Variants in TJP2 observed in about 807,000 individuals in gnomAD.
TJP2 encodes the protein Friedreich ataxia region gene X104 (tight junction protein ZO-2).
TJP2 carries 91 observed loss-of-function variants against 133.1 expected under a neutral mutation model. The observed-to-expected ratio is 0.68, with a 90% CI of 0.58 to 0.81. The LOEUF (loss-of-function observed/expected upper bound fraction) is 0.81, where lower values mean the gene tolerates loss of function less well. Among genes scored for constraint, TJP2 ranks in the 40% least tolerant of loss-of-function variants. The probability of loss-of-function intolerance (pLI) is 0.00; values close to 1 mark genes in which losing one functional copy is unlikely to be tolerated. For synonymous variants in TJP2, 592 were observed against 583.4 expected, an observed-to-expected ratio of 1.01 and a Z score of -0.21; for missense variants, 1,541 against 1,565.6, an observed-to-expected ratio of 0.98 and a Z score of 0.26.
chr9:69,243,341 C>G (rs1830697899), intron 17 of TJP2, among the ~76,000 whole-genome samples: 2 of 152,210 alleles, frequency 1.3e-5, no homozygotes, highest in African/African-American at 4.8e-5. Context: ...GAAAGCTCCT[C>G]TTCCTCACGA....
intron 1 of TJP2, among the ~76,000 whole-genome samples, chr9:69,182,383 C>G (rs1257026621): frequency 6.6e-6 from 1 of 152,158 alleles, no homozygotes; most frequent in Non-Finnish European, 1.5e-5. Flanking sequence ...AAAACAAGGG[C>G]AAGTGGCAAC....
intron 1 of TJP2, among the ~76,000 whole-genome samples, chr9:69,197,156 G>T (rs1438819167): frequency 6.6e-6 from 1 of 152,026 alleles, no homozygotes; most frequent in African/African-American, 2.4e-5. Context: ...AGTAGAGATG[G>T]GGTTTTACCA....
At chr9:69,170,739 C>T (rs1023007729), upstream of TJP2, among the ~76,000 whole-genome samples, 3 of 152,224 alleles carry the variant, frequency 2.0e-5, no homozygotes, top group African/African-American at 7.2e-5. Flanking sequence ...TTTGGACACT[C>T]TCCTCCAGAA....
upstream of TJP2, chr9:69,174,271 C>CGGGTCAG (rs1306998100): frequency 6.5e-7 from 1 of 1,528,786 alleles, no homozygotes; most frequent in African/African-American, 1.4e-5. Context: ...GGTTGGGCTG[C>CGGGTCAG]GGGTCAGAGC....
At chr9:69,231,316 T>C (rs1327106949) in intron 11 of TJP2, among the ~76,000 whole-genome samples, 1 of 152,190 alleles carries the variant, frequency 6.6e-6, no homozygotes, top group East Asian at 1.9e-4. Flanking sequence ...CAGGCTGGTC[T>C]CGAGCTCCTG....
intron 5 of TJP2, among the ~76,000 whole-genome samples, chr9:69,224,090 G>T (rs1158263616): frequency 4.6e-5 from 7 of 152,194 alleles, no homozygotes; most frequent in African/African-American, 1.7e-4. Flanking sequence ...AGCATTGAAA[G>T]TATTTAAAAA....
chr9:69,236,365 C>G, intron 13 of TJP2, 127 bp downstream of exon 13: 2 of 950,446 alleles, frequency 2.1e-6, no homozygotes, highest in East Asian at 5.2e-5. Context: ...CCATCTATTT[C>G]TTGTTTATGG....
chr9:69,237,943 A>G lies in TJP2; in HGVS notation c.2245A>G (p.Asn749Asp). The change falls in exon 15 of 23, where the codon AAT becomes GAT. Residue 749 changes from asparagine (N) to aspartate (D), a missense_variant. Asn to Asp is a conservative substitution (Grantham distance 23). Coordinates refer to ENST00000377245, the MANE Select transcript of TJP2 (RefSeq NM_004817.4). ...IADIAMEKLA[N>D]ELPDWFQTAK... ...TGATATAGCAATGGAAAAATTGGCTAATGAGTTACCTGACTGGTTTCAAAC... is the reference window on the plus strand; with the variant it reads ...TGATATAGCAATGGAAAAATTGGCTGATGAGTTACCTGACTGGTTTCAAAC... The G allele has an allele frequency of 6.2e-7, 1 of 1,613,756 alleles. No individual in the cohort carries two copies. Among genetic ancestry groups the G allele is most frequent in the East Asian group, 2.2e-5 (1 of 44,866 alleles).
intron 14 of TJP2, 82 bp downstream of exon 14, chr9:69,237,218 G>A: frequency 1.3e-6 from 2 of 1,531,610 alleles, no homozygotes; most frequent in African/African-American, 1.4e-5. Context: ...GTATGGTCAA[G>A]TTCTAACTTA....
intron 1 of TJP2, among the ~76,000 whole-genome samples, chr9:69,204,584 T>C (rs1393500980): frequency 2.0e-5 from 3 of 152,252 alleles, no homozygotes; most frequent in African/African-American, 7.2e-5. Flanking sequence ...AAGCATTCTG[T>C]CCCTGAGTTG....
rs1357796856 is a variant in TJP2 at position 69,221,412 on chromosome 9, C to A, written c.868C>A (p.Pro290Thr). The change falls in exon 5 of 23, where the codon CCG becomes ACG. Residue 290 changes from proline to threonine, a missense_variant. Pro to Thr is a conservative substitution (Grantham distance 38, BLOSUM62 -1). Transcript: ENST00000377245. The stretch of plus-strand genomic sequence containing the variant: ...ACCCCGAAGCCGCAGCCGCGAGCAC[C>A]CGCACTCACGGAGCCCCAGCCCCGA... ...RGPRSRSREHPHSRSPSPEPR... is the reference protein window; with the variant it reads ...RGPRSRSREHTHSRSPSPEPR... 9 of 1,584,028 alleles carry A rather than the reference C, an allele frequency of 5.7e-6. No homozygotes were observed. The highest frequency in any genetic ancestry group is 7.7e-6 in the Non-Finnish European group (9 of 1,165,494).
chr9:69,219,852 C>G (rs7874888), intron 4 of TJP2, among the ~76,000 whole-genome samples: 62,707 of 151,540 alleles, frequency 0.41, 13,656 homozygotes, highest in African/African-American at 0.53. Context: ...CCCTCTACCC[C>G]ACCCCCCACT....
intron 1 of TJP2, among the ~76,000 whole-genome samples, chr9:69,137,261 CT>C (rs1822790794): frequency 1.2e-5 from 1 of 81,508 alleles, no homozygotes. Context: ...TTCTTTCTTT[CT>C]TTCTTTCTTT....
intron 1 of TJP2, chr9:69,205,287 A>G: frequency 6.5e-7 from 1 of 1,537,094 alleles, no homozygotes; most frequent in Non-Finnish European, 8.7e-7. Flanking sequence ...CTTCATGGGA[A>G]GGGGAGGGAA....
chr9:69,216,317 A>G, intron 2 of TJP2, 22 bp from the exon 3 acceptor site: 3 of 1,613,998 alleles, frequency 1.9e-6, no homozygotes, highest in Non-Finnish European at 2.5e-6. Flanking sequence ...GATTTTTAAT[A>G]TTTCTCCTCT....
chr9:69,235,581 C>T (rs1251430272), intron 12 of TJP2, among the ~76,000 whole-genome samples: 1 of 152,102 alleles, frequency 6.6e-6, no homozygotes, highest in Non-Finnish European at 1.5e-5. Context: ...CTTGGCCTCC[C>T]AAAGTGCTGG....
rs1210298343 is a variant in TJP2, at chr9:69,249,360, C to T, written c.2881-15C>T. 1 of 1,598,470 alleles carries T rather than the reference C, an allele frequency of 6.3e-7. No individual in the cohort carries two copies. The highest frequency in any genetic ancestry group is 8.5e-7 in the Non-Finnish European group (1 of 1,171,382). ...TTGGATGTTCTTGTTGTGAATGAAC[C>T]TTTATGTCTTGTAGAGCATAAGGAA... On this transcript the variant is annotated splice_polypyrimidine_tract_variant and intron_variant, in intron 19 of 22. Coordinates refer to ENST00000377245, the MANE Select transcript of TJP2 (RefSeq NM_004817.4).
chr9:69,137,668 T>A (rs1304234781), intron 1 of TJP2, among the ~76,000 whole-genome samples: 1 of 151,046 alleles, frequency 6.6e-6, no homozygotes, highest in East Asian at 1.9e-4. Flanking sequence ...TCAGCTGAGC[T>A]TTTTTTTTCA....
At chr9:69,239,636 C>T (rs1028522433) in intron 16 of TJP2, among the ~76,000 whole-genome samples, 4 of 152,096 alleles carry the variant, frequency 2.6e-5, no homozygotes, top group African/African-American at 4.8e-5. Context: ...CATGGTGAAA[C>T]CCTGTCTCTA....
Sources: allele counts gnomAD v4.1 joint callset (sites outside exome capture counted in the v4.1 genomes callset), GRCh38; gene constraint gnomAD v4.1.1; transcripts MANE v1.5; gene names NCBI Gene and HGNC (gene_info 2026-07-23, HGNC 2026-07-21).